SMURF2: variants seen among roughly 807,000 people sequenced by gnomAD.
SMURF2 encodes the protein E3 ubiquitin-protein ligase SMURF2.
In SMURF2, 48 loss-of-function variants were observed where a neutral mutation model predicts 109.6. That is an observed-to-expected ratio of 0.44 (90% CI 0.35 to 0.56). The LOEUF (loss-of-function observed/expected upper bound fraction) is 0.56, where lower values mean the gene tolerates loss of function less well. Among genes scored for constraint, SMURF2 ranks in the 20% least tolerant of loss-of-function variants. SMURF2 has a pLI of 0.01. For synonymous variants in SMURF2, 288 were observed against 317.1 expected (o/e 0.91, Z 0.97); for missense variants, 575 against 909.0 (o/e 0.63, Z 4.72).
chr17:64,659,487 C>CATA (rs1471198839), intron 1 of SMURF2, among the ~76,000 whole-genome samples: 1 of 147,206 alleles, frequency 6.8e-6, no homozygotes, highest in African/African-American at 2.5e-5. Context: ...GTATGCCAAA[C>CATA]ATTTCTTAAG....
chr17:64,614,525 A>G (rs1244004137), intron 1 of SMURF2, among the ~76,000 whole-genome samples: 4 of 152,190 alleles, frequency 2.6e-5, no homozygotes, highest in Non-Finnish European at 5.9e-5. Context: ...CCTTCAAAGC[A>G]TTTCATTCTT....
rs538691172 is a variant in SMURF2 at position 64,568,487 on chromosome 17, A to G, written c.1016+3311T>C. On this transcript the variant is annotated intron_variant, in intron 10 of 18. Coordinates refer to ENST00000262435, the MANE Select transcript of SMURF2 (RefSeq NM_022739.4). ...AGAGCCATACTGGCTCTTGATTACCATTGTACATTTGTCAAGTACTTTGGG... is the reference window on the plus strand; with the variant it reads ...AGAGCCATACTGGCTCTTGATTACCGTTGTACATTTGTCAAGTACTTTGGG... 3.3e-5 allele frequency among the ~76,000 whole-genome samples: 5 copies of G among 152,282 alleles called. No homozygotes were observed. The East Asian group carries it at 9.7e-4, about 29-fold the overall frequency.
At chr17:64,566,561 G>GTTTGTTTGTTTTTTTTTTTT (rs1969305868) in intron 10 of SMURF2, among the ~76,000 whole-genome samples, 7 of 43,784 alleles carry the variant, frequency 1.6e-4, no homozygotes, top group African/African-American at 4.5e-4. Context: ...AAGCTTTCTG[G>GTTTGTTTGTTTTTTTTTTTT]TTTTTTTTTT....
chr17:64,659,160 A>AGT (rs772284521), intron 1 of SMURF2, among the ~76,000 whole-genome samples: 2 of 151,576 alleles, frequency 1.3e-5, no homozygotes, highest in South Asian at 2.1e-4. Context: ...TGAGTGTGTG[A>AGT]GTGTGTGTGT....
intron 16 of SMURF2, among the ~76,000 whole-genome samples, chr17:64,549,113 G>A (rs953341351): frequency 4.6e-5 from 7 of 151,650 alleles, no homozygotes; most frequent in Non-Finnish European, 1.0e-4. Context: ...GCGAAACCCT[G>A]TATCTACTAA....
At chr17:64,551,406 CAAAGCATGAAAGGCCTTCA>C in intron 16 of SMURF2, among the ~76,000 whole-genome samples, 159 bp downstream of exon 16, 1 of 151,954 alleles carries the variant, frequency 6.6e-6, no homozygotes, top group East Asian at 1.9e-4. Flanking sequence ...ACAGAAATTC[CAAAGCATGAAAGGCCTTCA>C]AAAGCATGAA....
At chr17:64,659,393 T>C (rs1312119258) in intron 1 of SMURF2, among the ~76,000 whole-genome samples, 1 of 152,140 alleles carries the variant, frequency 6.6e-6, no homozygotes, top group East Asian at 1.9e-4. Context: ...AAATTCACTG[T>C]GGGATCTGTC....
chr17:64,609,149 A>C (rs1970010249), intron 1 of SMURF2, among the ~76,000 whole-genome samples: 1 of 152,212 alleles, frequency 6.6e-6, no homozygotes, highest in African/African-American at 2.4e-5. Context: ...AAAACATTCC[A>C]TGTTCATGGA....
At chr17:64,642,403 C>T (rs1041201422) in intron 1 of SMURF2, among the ~76,000 whole-genome samples, 32 of 152,288 alleles carry the variant, frequency 2.1e-4, no homozygotes, top group African/African-American at 7.5e-4. Context: ...CTTATCAGGC[C>T]ACTGAGTAGT....
chr17:64,574,481 TTAAA>T (rs2144627098), intron 9 of SMURF2, among the ~76,000 whole-genome samples: 1 of 152,342 alleles, frequency 6.6e-6, no homozygotes, highest in Non-Finnish European at 1.5e-5. Flanking sequence ...CTGGATATCT[TTAAA>T]TAAAGTTTGT....
chr17:64,648,710 T>A (rs1970594011), intron 1 of SMURF2, among the ~76,000 whole-genome samples: 1 of 152,106 alleles, frequency 6.6e-6, no homozygotes, highest in Non-Finnish European at 1.5e-5. Flanking sequence ...TGGTCAAGGC[T>A]ATAGTGAGCC....
chr17:64,608,801 C>T (rs1165852257), intron 1 of SMURF2, among the ~76,000 whole-genome samples: 1 of 152,132 alleles, frequency 6.6e-6, no homozygotes, highest in African/African-American at 2.4e-5. Flanking sequence ...ATCTAAACCA[C>T]CATGTTCTCG....
intron 15 of SMURF2, 128 bp from the exon 16 acceptor site, chr17:64,551,832 C>G (rs1442083853): frequency 1.7e-6 from 2 of 1,178,020 alleles, no homozygotes; most frequent in African/African-American, 3.1e-5. Context: ...AGCCTCAAGT[C>G]TAACAATAAA....
intron 1 of SMURF2, among the ~76,000 whole-genome samples, chr17:64,606,844 G>A (rs1969977922): frequency 6.6e-6 from 1 of 152,106 alleles, no homozygotes. Context: ...AGTAATAGCT[G>A]AGGGCAAGAA....
At chr17:64,585,072 G>A (rs1555686963) in intron 6 of SMURF2, among the ~76,000 whole-genome samples, 1 of 152,042 alleles carries the variant, frequency 6.6e-6, no homozygotes, top group Non-Finnish European at 1.5e-5. Context: ...ATAAAATTTT[G>A]TATAAAAAAT....
At chr17:64,624,339 AAAATTT>A (rs1555690976) in intron 1 of SMURF2, among the ~76,000 whole-genome samples, 4 of 150,190 alleles carry the variant, frequency 2.7e-5, no homozygotes, top group East Asian at 2.0e-4. Context: ...TCTATAAAAA[AAAATTT>A]TTTTTTGAGA....
chr17:64,662,110 A>G lies in SMURF2; in HGVS notation c.-230T>C. The stretch of plus-strand genomic sequence containing the variant: ...CTTCCTCGGCCCGGGCCGCACAACA[A>G]AGCGGCAGCCGCGGCCGCCCGCGCC... On this transcript the variant is annotated 5_prime_UTR_variant, in exon 1 of 19. Coordinates refer to ENST00000262435, the MANE Select transcript of SMURF2 (RefSeq NM_022739.4). The G allele has an allele frequency of 2.0e-6, 2 of 1,009,336 alleles. No homozygotes were observed. Among genetic ancestry groups the G allele is most frequent in the Non-Finnish European group, 2.4e-6 (2 of 847,084 alleles). The allele number at this position is 1,009,336 out of a possible 1,614,324, so 62.5% of individuals were successfully genotyped here.
intron 14 of SMURF2, 45 bp downstream of exon 14, chr17:64,555,774 TA>T: frequency 1.5e-6 from 2 of 1,312,266 alleles, no homozygotes; most frequent in Non-Finnish European, 1.0e-6. Flanking sequence ...TATTTTTTTT[TA>T]AAGCTCAGAG....
At chr17:64,597,919 T>C (rs529345564) in intron 3 of SMURF2, among the ~76,000 whole-genome samples, 1 of 152,278 alleles carries the variant, frequency 6.6e-6, no homozygotes, top group Admixed American at 6.5e-5. Context: ...GGAATGAGAA[T>C]GGAGCAGGGA....
Sources: allele counts gnomAD v4.1 joint callset (sites outside exome capture counted in the v4.1 genomes callset), GRCh38; gene constraint gnomAD v4.1.1; transcripts MANE v1.5; gene names NCBI Gene and HGNC (gene_info 2026-07-23, HGNC 2026-07-21).